HYCC2: variants seen among roughly 807,000 people sequenced by gnomAD.
HYCC2 encodes hyccin 2.
chr2:200,974,769 A>T, the HYCC2 span: 1 of 152,048 alleles, frequency 6.6e-6, no homozygotes, highest in African/African-American at 2.4e-5. Flanking sequence ...TAACTTTTGA[A>T]ATAAATCATT....
chr2:201,070,113 T>G, the HYCC2 span, among the ~76,000 whole-genome samples: 1 of 152,188 alleles, frequency 6.6e-6, no homozygotes, highest in Non-Finnish European at 1.5e-5. Flanking sequence ...TTCAATGACC[T>G]ACAAAATCAA....
chr2:201,032,163 T>C, the HYCC2 span, among the ~76,000 whole-genome samples: 3 of 152,118 alleles, frequency 2.0e-5, no homozygotes, highest in Non-Finnish European at 4.4e-5. Flanking sequence ...GGTTTCACCA[T>C]GTTGCCCAAG....
the HYCC2 span, chr2:200,981,370 C>G: frequency 1.1e-5 from 18 of 1,614,026 alleles, no homozygotes; most frequent in Non-Finnish European, 1.4e-5. The surrounding 1 kb of genome is among the most constrained non-coding windows in gnomAD (Gnocchi z 4.5). Flanking sequence ...GCCAGCTTGA[C>G]CTAGCCGGTC....
chr2:200,986,546 G>A, the HYCC2 span, among the ~76,000 whole-genome samples: 1 of 151,958 alleles, frequency 6.6e-6, no homozygotes, highest in South Asian at 2.1e-4. Flanking sequence ...TTCCAACAAA[G>A]AGAAGCATTC....
At chr2:201,050,328 CA>C in the HYCC2 span, among the ~76,000 whole-genome samples, 2 of 151,120 alleles carry the variant, frequency 1.3e-5, no homozygotes, top group Admixed American at 1.3e-4. Flanking sequence ...ACAGAATATC[CA>C]AATAGCCCCA....
the HYCC2 span, among the ~76,000 whole-genome samples, chr2:200,983,370 T>C: frequency 1.2e-4 from 18 of 152,288 alleles, no homozygotes; most frequent in Admixed American, 6.5e-4. Context: ...ATACAAAATA[T>C]TTAAACACAA....
chr2:200,988,137 A>G, the HYCC2 span: 2 of 671,790 alleles, frequency 3.0e-6, no homozygotes, highest in Non-Finnish European at 4.5e-6. Flanking sequence ...TTCTAGTGAT[A>G]TTTTTAACAA....
the HYCC2 span, among the ~76,000 whole-genome samples, chr2:201,059,675 G>A: frequency 6.6e-6 from 1 of 152,040 alleles, no homozygotes. Context: ...AAATTGATGG[G>A]GTGGGCAGAA....
the HYCC2 span, among the ~76,000 whole-genome samples, chr2:201,006,701 A>T: frequency 6.6e-6 from 1 of 151,974 alleles, no homozygotes; most frequent in Non-Finnish European, 1.5e-5. Context: ...ACTGACTGGC[A>T]CTCTATGAAT....
At chr2:201,068,503 A>C in the HYCC2 span, among the ~76,000 whole-genome samples, 436 of 152,270 alleles carry the variant, frequency 2.9e-3, 2 homozygotes, top group African/African-American at 0.01. Flanking sequence ...TAATCAAGGG[A>C]ATTTGTTTCC....
the HYCC2 span, among the ~76,000 whole-genome samples, chr2:201,037,247 T>C: frequency 2.2e-3 from 328 of 152,088 alleles, 1 homozygote; most frequent in Non-Finnish European, 3.5e-3. Context: ...AAAGAGGGCA[T>C]AAAAAAATGG....
chr2:200,992,283 A>C, the HYCC2 span: 1 of 1,582,682 alleles, frequency 6.3e-7, no homozygotes, highest in Non-Finnish European at 8.7e-7. Context: ...TAACTTACCA[A>C]TAGTGGTTGA....
At chr2:201,000,057 CAAAAA>C in the HYCC2 span, among the ~76,000 whole-genome samples, 1 of 34,728 alleles carries the variant, frequency 2.9e-5, no homozygotes, top group Non-Finnish European at 5.5e-5. Context: ...GACTCCGTCT[CAAAAA>C]AAAAAAAAAA....
the HYCC2 span, chr2:201,063,020 A>T: frequency 2.0e-5 from 32 of 1,568,378 alleles, no homozygotes; most frequent in Non-Finnish European, 2.8e-5. Flanking sequence ...CTATAATAAA[A>T]ATCTTCTCCT....
chr2:201,022,804 G>A, the HYCC2 span: 4 of 1,378,932 alleles, frequency 2.9e-6, no homozygotes, highest in African/African-American at 5.8e-5. Flanking sequence ...TCACTATGTA[G>A]AAATTATTTT....
chr2:201,050,213 C>CA, the HYCC2 span, among the ~76,000 whole-genome samples: 688 of 123,062 alleles, frequency 5.6e-3, 4 homozygotes, highest in African/African-American at 0.018. Flanking sequence ...CACCCTGTCT[C>CA]AAAAAAAAAA....
the HYCC2 span, among the ~76,000 whole-genome samples, chr2:201,038,256 A>G: frequency 6.6e-6 from 1 of 152,148 alleles, no homozygotes; most frequent in African/African-American, 2.4e-5. Flanking sequence ...GGTACTGGAG[A>G]GGATGTGGAG....
At chr2:201,033,033 T>A in the HYCC2 span, among the ~76,000 whole-genome samples, 437 of 152,170 alleles carry the variant, frequency 2.9e-3, 2 homozygotes, top group African/African-American at 0.01. Flanking sequence ...GTTTTTTTTT[T>A]AAATGTATAT....
chr2:201,039,933 G>C, the HYCC2 span, among the ~76,000 whole-genome samples: 1 of 152,166 alleles, frequency 6.6e-6, no homozygotes, highest in Non-Finnish European at 1.5e-5. Flanking sequence ...CCAGCACTTT[G>C]GGAGGCCGAG....
Sources: gnomAD v4.1 joint callset for allele counts (sites outside exome capture counted in the v4.1 genomes callset) on GRCh38, gnomAD v4.1.1 for gene constraint, Gnocchi (gnomAD v3.1) non-coding constraint, MANE v1.5 for transcripts, NCBI Gene and HGNC (gene_info 2026-07-23, HGNC 2026-07-21) for gene names.